WDPCP: variants seen among roughly 807,000 people sequenced by gnomAD.
WDPCP encodes the protein WD repeat containing planar cell polarity effector, also known as WD repeat-containing and planar cell polarity effector protein fritz homolog.
Under a neutral mutation model 93.1 loss-of-function variants are expected in WDPCP, and 71 were observed. The observed-to-expected ratio is 0.76, with a 90% CI of 0.63 to 0.93. The LOEUF (loss-of-function observed/expected upper bound fraction) is 0.93, where lower values mean the gene tolerates loss of function less well. Ranked by LOEUF, WDPCP falls within the 40% of genes least tolerant of loss-of-function variation. WDPCP has a pLI of 0.00. For missense variants in WDPCP, 844 were observed against 887.4 expected, an observed-to-expected ratio of 0.95 and a Z score of 0.62; for synonymous variants, 315 against 315.0, an observed-to-expected ratio of 1.00 and a Z score of 0.00.
chr2:63,468,181 C>A (rs925923954), intron 6 of WDPCP, among the ~76,000 whole-genome samples: 3 of 152,140 alleles, frequency 2.0e-5, no homozygotes, highest in Admixed American at 2.0e-4. Context: ...CCTTCCTTCT[C>A]TCTCCTTTCA....
At chr2:63,583,217 C>A (rs1708609143) in intron 1 of WDPCP, among the ~76,000 whole-genome samples, 1 of 151,832 alleles carries the variant, frequency 6.6e-6, no homozygotes, top group Non-Finnish European at 1.5e-5. Context: ...ATGCTATAAA[C>A]CCTACAACAG....
At chr2:63,336,297 T>G (rs1487619232) in intron 12 of WDPCP, among the ~76,000 whole-genome samples, 5 of 152,192 alleles carry the variant, frequency 3.3e-5, no homozygotes, top group Non-Finnish European at 7.3e-5. Context: ...AATAGAATCA[T>G]GTCATTTGCA....
chr2:63,755,540 A>C (rs1669954277), intron 2 of WDPCP, among the ~76,000 whole-genome samples: 1 of 152,224 alleles, frequency 6.6e-6, no homozygotes, highest in African/African-American at 2.4e-5. Context: ...TAACTAAAAT[A>C]ACAACAAAAG....
intron 14 of WDPCP, among the ~76,000 whole-genome samples, chr2:63,206,421 T>C (rs1676338439): frequency 6.6e-6 from 1 of 152,166 alleles, no homozygotes; most frequent in Non-Finnish European, 1.5e-5. Flanking sequence ...TTCTTGTTTC[T>C]AGCCAGCATC....
chr2:63,542,557 A>C (rs545673317), intron 1 of WDPCP, among the ~76,000 whole-genome samples: 6 of 152,268 alleles, frequency 3.9e-5, no homozygotes, highest in Non-Finnish European at 7.3e-5. Context: ...TCCAACTATT[A>C]CAAAAATAGT....
At chr2:63,348,060 A>G (rs1327506404) in intron 12 of WDPCP, among the ~76,000 whole-genome samples, 2 of 152,220 alleles carry the variant, frequency 1.3e-5, no homozygotes, top group African/African-American at 4.8e-5. Context: ...AGTAGGCGAG[A>G]TAGCCACAAA....
intron 1 of WDPCP, among the ~76,000 whole-genome samples, chr2:63,515,988 C>A (rs1159607971): frequency 6.6e-6 from 1 of 151,404 alleles, no homozygotes; most frequent in African/African-American, 2.4e-5. Flanking sequence ...CTATTGCACT[C>A]CAGCCTGTGC....
chr2:63,702,554 T>C (rs1282654357), intron 2 of WDPCP, among the ~76,000 whole-genome samples: 3 of 150,656 alleles, frequency 2.0e-5, no homozygotes, highest in Non-Finnish European at 4.4e-5. Context: ...TTTTTTGGTG[T>C]AGGGGGCGGA....
At chr2:63,606,817 G>T (rs369465135) in intron 3 of WDPCP, 1 of 1,508,656 alleles carries the variant, frequency 6.6e-7, no homozygotes, top group Non-Finnish European at 9.0e-7. Flanking sequence ...CTTACTGAAA[G>T]ATCAGTTCCA....
intron 2 of WDPCP, among the ~76,000 whole-genome samples, chr2:63,809,933 T>A (rs1043775319): frequency 4.0e-5 from 6 of 151,306 alleles, no homozygotes; most frequent in Admixed American, 6.6e-5. Context: ...TAAATAAAAT[T>A]AAATTAAAAA....
chr2:63,758,114 C>T (rs567611514), intron 2 of WDPCP, among the ~76,000 whole-genome samples: 4 of 149,952 alleles, frequency 2.7e-5, no homozygotes, highest in African/African-American at 9.8e-5. Flanking sequence ...TTTTTATAAC[C>T]AACCTAATAA....
chr2:63,784,578 G>A (rs1212006755), intron 2 of WDPCP, among the ~76,000 whole-genome samples: 3 of 151,586 alleles, frequency 2.0e-5, no homozygotes, highest in African/African-American at 7.3e-5. Flanking sequence ...TGGAGTGTGT[G>A]TGTGTGTGTG....
chr2:63,492,115 T>A (rs548385253), intron 2 of WDPCP, among the ~76,000 whole-genome samples: 1 of 152,166 alleles, frequency 6.6e-6, no homozygotes, highest in Non-Finnish European at 1.5e-5. Context: ...AATTCTATAT[T>A]TAATATGAAG....
intron 12 of WDPCP, among the ~76,000 whole-genome samples, chr2:63,339,656 CT>C (rs1259435369): frequency 6.6e-6 from 1 of 152,108 alleles, no homozygotes; most frequent in Non-Finnish European, 1.5e-5. Flanking sequence ...TTAACTTCTC[CT>C]TTTCCAGTTT....
chr2:63,639,656 A>C (rs1232145316), intron 3 of WDPCP, among the ~76,000 whole-genome samples: 2 of 152,208 alleles, frequency 1.3e-5, no homozygotes, highest in Non-Finnish European at 2.9e-5. Flanking sequence ...CAGGACAAAA[A>C]CATTTAAATC....
rs547239312 is a variant in WDPCP at position 63,314,240 on chromosome 2, A to C, written c.1749-929T>G. 7.4e-4 allele frequency among the ~76,000 whole-genome samples: 113 copies of C among 151,686 alleles called. No homozygotes were observed. The East Asian group carries it at 0.021, about 28-fold the overall frequency. ...CACCCAGGCTGGAGTACAGTGGTGC[A>C]ATCATCGCCTTGACCTCCTGGGCTC... On this transcript the variant is annotated intron_variant, in intron 12 of 17. Coordinates refer to ENST00000272321, the MANE Select transcript of WDPCP (RefSeq NM_015910.7).
chr2:63,531,495 G>A (rs1056070884), intron 1 of WDPCP, among the ~76,000 whole-genome samples: 7 of 152,152 alleles, frequency 4.6e-5, no homozygotes, highest in South Asian at 2.1e-4. Context: ...AGCTTCCAGA[G>A]GAAGGATCAG....
intron 14 of WDPCP, among the ~76,000 whole-genome samples, chr2:63,200,328 C>T (rs1477419546): frequency 6.6e-6 from 1 of 152,178 alleles, no homozygotes; most frequent in Non-Finnish European, 1.5e-5. Flanking sequence ...ATTCAACAAT[C>T]CCACTGCTGG....
intron 13 of WDPCP, among the ~76,000 whole-genome samples, chr2:63,300,357 G>A (rs186679144): frequency 6.6e-6 from 1 of 152,284 alleles, no homozygotes; most frequent in African/African-American, 2.4e-5. Flanking sequence ...AAAATGGTGA[G>A]TAGAGGGGAG....
Sources: gnomAD v4.1 joint callset for allele counts (sites outside exome capture counted in the v4.1 genomes callset) on GRCh38, gnomAD v4.1.1 for gene constraint, MANE v1.5 for transcripts, NCBI Gene and HGNC (gene_info 2026-07-23, HGNC 2026-07-21) for gene names.